Variants in PDXDC1 observed in about 807,000 individuals in gnomAD.
PDXDC1 encodes pyridoxal-dependent decarboxylase domain-containing protein 1.
A neutral mutation model predicts 100.1 loss-of-function variants in PDXDC1; 42 were observed. That is an observed-to-expected ratio of 0.42 (90% CI 0.33 to 0.54). The LOEUF is 0.54. Ranked by LOEUF, PDXDC1 falls within the 20% of genes least tolerant of loss-of-function variation. PDXDC1 has a pLI of 0.10. For synonymous variants in PDXDC1, 260 were observed against 371.7 expected (o/e 0.70, Z 3.46); for missense variants, 636 against 979.2 (o/e 0.65, Z 4.68).
At chr16:15,114,468 A>G in intron 16 of PDXDC1, 1 of 1,596,692 alleles carries the variant, frequency 6.3e-7, no homozygotes, top group Non-Finnish European at 8.5e-7. Context: ...GCAGAGGGAG[A>G]TGGCAAATTT....
At chr16:15,053,545 T>C (rs1309014491) in intron 16 of PDXDC1, among the ~76,000 whole-genome samples, 1 of 152,218 alleles carries the variant, frequency 6.6e-6, no homozygotes, top group African/African-American at 2.4e-5. Flanking sequence ...AAAGAATGGT[T>C]GTAGTCATAC....
intron 16 of PDXDC1, chr16:15,083,668 T>C (rs2045795857): frequency 1.5e-5 from 23 of 1,566,630 alleles, no homozygotes; most frequent in Non-Finnish European, 2.0e-5. Flanking sequence ...TAAAAGCAAA[T>C]ATTGATAGAC....
chr16:14,988,774 T>C (rs1970005585), intron 1 of PDXDC1: 1 of 1,613,844 alleles, frequency 6.2e-7, no homozygotes, highest in Non-Finnish European at 8.5e-7. Flanking sequence ...TGGTTCTCTG[T>C]GAACTGCAGC....
chr16:15,060,234 G>GT (rs1272357107), intron 16 of PDXDC1: 1 of 351,212 alleles, frequency 2.8e-6, no homozygotes, highest in Non-Finnish European at 5.6e-6. Context: ...TCGTTTACTC[G>GT]TTTTATCTAA....
At chr16:15,104,891 A>T in intron 16 of PDXDC1, 1 of 1,530,822 alleles carries the variant, frequency 6.5e-7, no homozygotes, top group Non-Finnish European at 8.7e-7. Flanking sequence ...GTTTCAAAAT[A>T]GCAGTATCAG....
downstream of PDXDC1, chr16:15,039,883 CT>C: frequency 1.3e-6 from 1 of 761,182 alleles, no homozygotes; most frequent in East Asian, 2.5e-5. Context: ...ACAGCATAAA[CT>C]TTTCTAAGAT....
the PDXDC1 span, among the ~76,000 whole-genome samples, chr16:15,145,048 C>T: frequency 6.6e-6 from 1 of 152,192 alleles, no homozygotes; most frequent in Non-Finnish European, 1.5e-5. Context: ...GCTGCACTGA[C>T]CTTATGCTCC....
Position 15,081,948 on chromosome 16 carries a change from G to C in PDXDC1, c.1399+51892G>C, listed in dbSNP as rs1202399145. The stretch of plus-strand genomic sequence containing the variant: ...TTCAATTGTCTTGAACAACTGGTTA[G>C]TGTATGTTAGTCTTCTGTCCCGTAA... On this transcript the variant is annotated intron_variant, in intron 16 of 16. Transcript: ENST00000535621. Among the ~76,000 whole-genome samples the C allele has an allele frequency of 4.6e-5, 7 of 152,242 alleles. No individual in the cohort carries two copies. The South Asian group carries it at 6.2e-4, about 14-fold the overall frequency.
Position 15,037,204 on chromosome 16 carries a change from C to T in PDXDC1, c.*929C>T, listed in dbSNP as rs1259010352. ...AACAGGAGCCAGCAGAGCACTCTCTCACGCTGATCCAGCCGGGCACCCTGC... is the reference window on the plus strand; with the variant it reads ...AACAGGAGCCAGCAGAGCACTCTCTTACGCTGATCCAGCCGGGCACCCTGC... On this transcript the variant is annotated 3_prime_UTR_variant, in exon 23 of 23. Transcript: ENST00000396410. The T allele has an allele frequency of 6.6e-6, 1 of 152,264 alleles. No homozygotes were observed. The highest frequency in any genetic ancestry group is 1.5e-5 in the Non-Finnish European group (1 of 68,048). 9.4% of individuals were successfully genotyped at this position (152,264 alleles called of 1,614,324 possible).
chr16:15,058,822 T>TG (rs2151747426), intron 16 of PDXDC1, among the ~76,000 whole-genome samples: 1 of 152,276 alleles, frequency 6.6e-6, no homozygotes, highest in East Asian at 1.9e-4. Flanking sequence ...AATGTAGAGA[T>TG]GGGGGTCTCA....
intron 16 of PDXDC1, among the ~76,000 whole-genome samples, chr16:15,111,547 C>G (rs1276527303): frequency 2.0e-5 from 3 of 147,950 alleles, no homozygotes; most frequent in Non-Finnish European, 4.5e-5. Flanking sequence ...ATCACAAGGT[C>G]AAGAGATGGA....
Position 15,128,190 on chromosome 16 carries a change from G to A in PDXDC1, c.1400-10689G>A, listed in dbSNP as rs531211665. The A allele has an allele frequency of 3.4e-5, 54 of 1,609,794 alleles. No homozygotes were observed. The African/African-American group carries it at 6.9e-4, about 21-fold the overall frequency. On this transcript the variant is annotated intron_variant, in intron 16 of 16. Coordinates refer to the PDXDC1 transcript ENST00000535621. ...CGCAGGGCGCCCCAACGCGGGGGCA[G>A]AGGGGCAGAGCTTGGCAGGGTCCGC...
chr16:15,148,915 T>C, the PDXDC1 span, among the ~76,000 whole-genome samples: 2 of 152,132 alleles, frequency 1.3e-5, no homozygotes, highest in Non-Finnish European at 2.9e-5. Context: ...TGACTTCTTG[T>C]CCACATTTTT....
chr16:15,018,253 C>G (rs1414919268), intron 11 of PDXDC1, among the ~76,000 whole-genome samples: 2 of 152,204 alleles, frequency 1.3e-5, no homozygotes, highest in African/African-American at 4.8e-5. Context: ...AAAACAACAA[C>G]AAAGAATTAG....
downstream of PDXDC1, among the ~76,000 whole-genome samples, chr16:15,142,525 G>A (rs946136744): frequency 6.6e-6 from 1 of 151,962 alleles, no homozygotes; most frequent in Non-Finnish European, 1.5e-5. Flanking sequence ...GGGTGTGGAA[G>A]CGTCTGCCCT....
At chr16:15,100,009 C>T (rs1396508297) in intron 16 of PDXDC1, among the ~76,000 whole-genome samples, 3 of 152,044 alleles carry the variant, frequency 2.0e-5, no homozygotes, top group Admixed American at 6.6e-5. Context: ...AGTAAGGTAC[C>T]AAAAAAGAAT....
intron 16 of PDXDC1, chr16:15,126,694 T>C (rs1310454830): frequency 1.8e-5 from 2 of 109,198 alleles, no homozygotes; most frequent in Admixed American, 9.9e-5. Flanking sequence ...TCTTGCTCCG[T>C]TGCCCAGGCT....
At chr16:15,005,154 C>T (rs1436598990) in intron 5 of PDXDC1, among the ~76,000 whole-genome samples, 6 of 152,252 alleles carry the variant, frequency 3.9e-5, no homozygotes, top group African/African-American at 1.4e-4. Context: ...GTGAGGAGAT[C>T]GAGACCATTC....
chr16:14,999,371 A>T (rs1249875843), intron 3 of PDXDC1, among the ~76,000 whole-genome samples: 1 of 151,928 alleles, frequency 6.6e-6, no homozygotes, highest in Non-Finnish European at 1.5e-5. Flanking sequence ...CTGGCCAAAA[A>T]TTTTTTAGAA....
Sources: allele counts gnomAD v4.1 joint callset (sites outside exome capture counted in the v4.1 genomes callset), GRCh38; gene constraint gnomAD v4.1.1; transcripts MANE v1.5; gene names NCBI Gene and HGNC (gene_info 2026-07-23, HGNC 2026-07-21).